PVT1: variants seen among roughly 807,000 people sequenced by gnomAD.
PVT1 encodes the protein CXCR4/PVT1 fusion.
At chr8:127,980,791 C>CTTTTTTTTTTTTTTTTTTT (rs11361552) in intron 3 of PVT1, among the ~76,000 whole-genome samples, 2 of 120,416 alleles carry the variant, frequency 1.7e-5, no homozygotes, top group Non-Finnish European at 1.7e-5. Context: ...ACTACAGCTT[C>CTTTTTTTTTTTTTTTTTTT]TTTTTTTTTT....
At chr8:127,813,664 A>G (rs575749256) in intron 2 of PVT1, among the ~76,000 whole-genome samples, 1 of 152,108 alleles carries the variant, frequency 6.6e-6, no homozygotes, top group Non-Finnish European at 1.5e-5. Flanking sequence ...CATCTGTAAA[A>G]TGGGAATACA....
chr8:128,095,821 C>T (rs375765868), intron 5 of PVT1, among the ~76,000 whole-genome samples: 19 of 152,346 alleles, frequency 1.2e-4, no homozygotes, highest in South Asian at 2.1e-4. Context: ...GCTTGAGGTA[C>T]GCATTCTCGA....
At chr8:128,016,276 CAAA>C (rs11333334) in intron 4 of PVT1, among the ~76,000 whole-genome samples, 2 of 134,456 alleles carry the variant, frequency 1.5e-5, no homozygotes, top group Non-Finnish European at 3.2e-5. Flanking sequence ...GACCCTGTCT[CAAA>C]AAAAAAAAAA....
At chr8:127,996,354 G>T (rs1200260709) in intron 4 of PVT1, among the ~76,000 whole-genome samples, 5 of 151,446 alleles carry the variant, frequency 3.3e-5, no homozygotes, top group African/African-American at 9.7e-5. Flanking sequence ...CCTTCTGCTT[G>T]GAACTGTTTC....
At chr8:128,008,927 C>T (rs755073346) in intron 4 of PVT1, 1 of 525,976 alleles carries the variant, frequency 1.9e-6, no homozygotes, top group East Asian at 5.5e-5. Context: ...TAAGCTCTTG[C>T]AGTAGGTTTT....
chr8:127,958,893 GTCC>G, intron 3 of PVT1, among the ~76,000 whole-genome samples: 1 of 152,168 alleles, frequency 6.6e-6, no homozygotes, highest in Non-Finnish European at 1.5e-5. Flanking sequence ...AACTCACAGA[GTCC>G]TCCTAGCTCA....
At chr8:128,071,687 A>AAAATAAATAAATAAATAAATAAAT (rs57815252) in intron 5 of PVT1, among the ~76,000 whole-genome samples, 21 of 139,864 alleles carry the variant, frequency 1.5e-4, no homozygotes, top group East Asian at 6.3e-4. Context: ...CTCTGTCTCT[A>AAAATAAATAAATAAATAAATAAAT]AAATAAATAA....
chr8:128,058,378 A>ATGTG (rs3041914), intron 4 of PVT1, among the ~76,000 whole-genome samples: 8,056 of 146,614 alleles, frequency 0.055, 237 homozygotes, highest in African/African-American at 0.065. Context: ...AAACTGATGC[A>ATGTG]TGTGTGTGTG....
chr8:127,901,518 T>C (rs1265853504), intron 3 of PVT1, among the ~76,000 whole-genome samples: 2 of 152,182 alleles, frequency 1.3e-5, no homozygotes, highest in African/African-American at 2.4e-5. Context: ...TGGAAGGAAG[T>C]TGAATGTTGT....
At position 128,046,952 on chromosome 8, in the gene PVT1, C is replaced by T. The variant is rs76762887; in HGVS notation, n.913-23208C>T. On this transcript the variant is annotated intron_variant and non_coding_transcript_variant, in intron 4 of 10. Coordinates refer to ENST00000651587, the Ensembl canonical transcript of PVT1. ...CTTTCTCATGTCTGCTCTGCCTTCA[C>T]GGTCCCCCACAGTGTCTTCAGTGGA... Among the ~76,000 whole-genome samples, 441 of 152,296 alleles carry T rather than the reference C, an allele frequency of 2.9e-3. 2 individuals carry two copies. Among genetic ancestry groups the T allele is most frequent in the African/African-American group, 9.8e-3 (408 of 41,572 alleles).
chr8:127,919,655 C>T (rs539039173), intron 3 of PVT1, among the ~76,000 whole-genome samples: 1 of 152,318 alleles, frequency 6.6e-6, no homozygotes, highest in East Asian at 1.9e-4. Context: ...CTGACCTTCC[C>T]TCTGCCTGGA....
At chr8:128,070,473 C>G (rs756545536) in intron 5 of PVT1, 6 of 152,236 alleles carry the variant, frequency 3.9e-5, no homozygotes, top group Non-Finnish European at 7.3e-5. Flanking sequence ...TTCTGTTTCC[C>G]TCTGTCCTCG....
chr8:127,990,395 A>G (rs1490686358), intron 4 of PVT1, among the ~76,000 whole-genome samples: 1 of 152,274 alleles, frequency 6.6e-6, no homozygotes, highest in Non-Finnish European at 1.5e-5. Context: ...CAACAAATGA[A>G]TGAGTAATTG....
At chr8:128,094,270 T>A (rs1814398873) in intron 5 of PVT1, among the ~76,000 whole-genome samples, 2 of 152,252 alleles carry the variant, frequency 1.3e-5, no homozygotes, top group Non-Finnish European at 2.9e-5. Context: ...AATGTTACAT[T>A]TTTAAATGTA....
chr8:127,878,026 G>C (rs1815424458), intron 2 of PVT1, among the ~76,000 whole-genome samples: 1 of 152,166 alleles, frequency 6.6e-6, no homozygotes, highest in Non-Finnish European at 1.5e-5. Context: ...TTCAAGTGCA[G>C]GTCCTGCTGT....
At chr8:128,070,621 A>T (rs1813973720) in intron 5 of PVT1, among the ~76,000 whole-genome samples, 1 of 152,184 alleles carries the variant, frequency 6.6e-6, no homozygotes, top group African/African-American at 2.4e-5. Flanking sequence ...TTGAGCAGGA[A>T]GAAGCATCAG....
At chr8:127,821,664 T>A (rs988132645) in intron 2 of PVT1, among the ~76,000 whole-genome samples, 2 of 151,936 alleles carry the variant, frequency 1.3e-5, no homozygotes, top group African/African-American at 4.8e-5. Context: ...CACAAAAAAT[T>A]AGCTGGGCAT....
intron 2 of PVT1, among the ~76,000 whole-genome samples, chr8:127,886,420 C>G (rs61158287): frequency 6.6e-6 from 1 of 152,068 alleles, no homozygotes; most frequent in East Asian, 1.9e-4. Flanking sequence ...TTGCTCCATT[C>G]TCTTCTCTCC....
intron 3 of PVT1, among the ~76,000 whole-genome samples, chr8:127,964,152 G>A (rs900499016): frequency 6.6e-6 from 1 of 152,232 alleles, no homozygotes; most frequent in African/African-American, 2.4e-5. Flanking sequence ...GGCAAAGAGG[G>A]GCAAGTCAGC....
Sources: allele counts gnomAD v4.1 joint callset (sites outside exome capture counted in the v4.1 genomes callset), GRCh38; gene constraint gnomAD v4.1.1; transcripts MANE v1.5; gene names NCBI Gene and HGNC (gene_info 2026-07-23, HGNC 2026-07-21).